ZNF423: variants seen among roughly 807,000 people sequenced by gnomAD.
The protein encoded by ZNF423 is zinc finger protein 423.
In ZNF423, 12 loss-of-function variants were observed where a neutral mutation model predicts 95.8. The ratio of observed to expected loss-of-function variants is 0.13; its 90% CI spans 0.08 to 0.20. The LOEUF (loss-of-function observed/expected upper bound fraction) is 0.20. ZNF423 is among the 10% of genes least tolerant of loss of function. The probability of loss-of-function intolerance (pLI) is 1.00; values close to 1 mark genes in which losing one functional copy is unlikely to be tolerated. For synonymous variants in ZNF423, 749 were observed against 711.9 expected (o/e 1.05, Z -0.83); for missense variants, 1,316 against 1,737.1 (o/e 0.76, Z 4.31).
At chr16:49,737,817 C>T (rs1307933090) in intron 2 of ZNF423, among the ~76,000 whole-genome samples, 1 of 152,222 alleles carries the variant, frequency 6.6e-6, no homozygotes, top group African/African-American at 2.4e-5. Flanking sequence ...CAGCCAATGT[C>T]GGCCCCTGGC....
chr16:49,546,106 T>C (rs969918148), intron 5 of ZNF423, among the ~76,000 whole-genome samples: 1 of 152,226 alleles, frequency 6.6e-6, no homozygotes, highest in Non-Finnish European at 1.5e-5. Flanking sequence ...CTGACCTCTG[T>C]CTGCAAGAAG....
At chr16:49,715,439 C>T (rs558500884) in intron 3 of ZNF423, among the ~76,000 whole-genome samples, 8 of 152,260 alleles carry the variant, frequency 5.3e-5, no homozygotes, top group South Asian at 2.1e-4. Context: ...GGCCTGTTGA[C>T]GGCTCAAGAG....
chr16:49,588,626 A>T (rs1970915070), intron 5 of ZNF423, among the ~76,000 whole-genome samples: 1 of 152,182 alleles, frequency 6.6e-6, no homozygotes, highest in African/African-American at 2.4e-5. Flanking sequence ...TCAAAAACTC[A>T]GACTCTAGCA....
chr16:49,683,126 G>A (rs1398014944), intron 3 of ZNF423, among the ~76,000 whole-genome samples: 1 of 152,196 alleles, frequency 6.6e-6, no homozygotes, highest in African/African-American at 2.4e-5. Context: ...AGGTGGCAGA[G>A]GGGTGCCTGG....
intron 2 of ZNF423, among the ~76,000 whole-genome samples, chr16:49,765,355 C>T (rs2033911342): frequency 6.6e-6 from 1 of 152,118 alleles, no homozygotes; most frequent in African/African-American, 2.4e-5. Context: ...TGTAACGCCA[C>T]TGAACTGCAC....
Position 49,523,615 on chromosome 16 carries a change from G to T in ZNF423, c.3849+9C>A. The T allele has an allele frequency of 6.2e-7, 1 of 1,611,090 alleles. No individual in the cohort carries two copies. Among genetic ancestry groups the T allele is most frequent in the Non-Finnish European group, 8.5e-7 (1 of 1,177,320 alleles). On this transcript the variant is annotated intron_variant, in intron 7 of 7. Coordinates refer to ENST00000563137, the MANE Select transcript of ZNF423 (RefSeq NM_001379286.1). The stretch of plus-strand genomic sequence containing the variant: ...CAGGCGGCGTGGTGCAGCGGATGTG[G>T]GCACCCACCTGCAGCTCGGTCTGGA...
intron 3 of ZNF423, among the ~76,000 whole-genome samples, chr16:49,681,486 T>C (rs1340111830): frequency 3.3e-5 from 5 of 152,142 alleles, no homozygotes; most frequent in Non-Finnish European, 5.9e-5. Context: ...ATAAAGCAAA[T>C]GGGGCAGATG....
At chr16:49,620,435 CCT>C (rs1453553163) in intron 5 of ZNF423, among the ~76,000 whole-genome samples, 1 of 152,172 alleles carries the variant, frequency 6.6e-6, no homozygotes, top group Non-Finnish European at 1.5e-5. Flanking sequence ...TGTATTTGCC[CCT>C]GACAGCAGAG....
intron 3 of ZNF423, among the ~76,000 whole-genome samples, chr16:49,657,063 A>G (rs1276755687): frequency 6.6e-6 from 1 of 152,190 alleles, no homozygotes; most frequent in Non-Finnish European, 1.5e-5. Flanking sequence ...GGGCACAAGC[A>G]TTCTGCCAAG....
At chr16:49,831,752 A>G (rs1488126168) in intron 1 of ZNF423, among the ~76,000 whole-genome samples, 1 of 152,200 alleles carries the variant, frequency 6.6e-6, no homozygotes, top group Non-Finnish European at 1.5e-5. Context: ...GCACTTTGGT[A>G]GGCCAGGGTG....
At chr16:49,538,007 G>A (rs1969114166) in intron 5 of ZNF423, among the ~76,000 whole-genome samples, 2 of 152,332 alleles carry the variant, frequency 1.3e-5, no homozygotes, top group East Asian at 1.9e-4. Context: ...GCCCTTGGCT[G>A]TGCCTCCCAC....
intron 5 of ZNF423, among the ~76,000 whole-genome samples, chr16:49,543,165 C>T (rs1969311720): frequency 6.6e-6 from 1 of 152,180 alleles, no homozygotes; most frequent in African/African-American, 2.4e-5. Context: ...AGAAACAAAT[C>T]ACCCCCTCAG....
intron 3 of ZNF423, among the ~76,000 whole-genome samples, chr16:49,646,758 G>C (rs1034147350): frequency 1.3e-5 from 2 of 151,800 alleles, no homozygotes; most frequent in African/African-American, 4.8e-5. Context: ...ATTTTTAGTA[G>C]AGACAAGGTT....
At chr16:49,575,627 C>T (rs1186927469) in intron 5 of ZNF423, among the ~76,000 whole-genome samples, 1 of 152,194 alleles carries the variant, frequency 6.6e-6, no homozygotes, top group African/African-American at 2.4e-5. Flanking sequence ...GTATGGCTAG[C>T]AGTGGGTGGG....
intron 3 of ZNF423, among the ~76,000 whole-genome samples, chr16:49,730,171 A>G (rs2033127055): frequency 6.6e-6 from 1 of 152,160 alleles, no homozygotes; most frequent in Non-Finnish European, 1.5e-5. Flanking sequence ...AGTCTTCAGT[A>G]GCTCCTAGAA....
chr16:49,722,914 G>GT (rs1442207071), intron 3 of ZNF423, among the ~76,000 whole-genome samples: 1 of 150,224 alleles, frequency 6.7e-6, no homozygotes, highest in African/African-American at 2.4e-5. Context: ...TTTCCTTATG[G>GT]TTTAAATTTG....
At chr16:49,818,558 C>G (rs2034891572) in intron 1 of ZNF423, among the ~76,000 whole-genome samples, 1 of 151,412 alleles carries the variant, frequency 6.6e-6, no homozygotes, top group African/African-American at 2.4e-5. Context: ...TGCACTCCAG[C>G]CTGGGCAACA....
intron 1 of ZNF423, among the ~76,000 whole-genome samples, chr16:49,793,043 C>T (rs1252690234): frequency 2.0e-5 from 3 of 152,318 alleles, no homozygotes; most frequent in Middle Eastern, 6.8e-3. Context: ...ACTGGGGTTA[C>T]AGGCATGAGC....
chr16:49,828,628 G>A (rs1320252505), intron 1 of ZNF423, among the ~76,000 whole-genome samples: 1 of 152,202 alleles, frequency 6.6e-6, no homozygotes, highest in Non-Finnish European at 1.5e-5. Flanking sequence ...GGAACCCACA[G>A]ACCCACCACC....
Sources: allele counts gnomAD v4.1 joint callset (sites outside exome capture counted in the v4.1 genomes callset), GRCh38; gene constraint gnomAD v4.1.1; transcripts MANE v1.5; gene names NCBI Gene and HGNC (gene_info 2026-07-23, HGNC 2026-07-21).